Variants in CUX1 observed in about 807,000 individuals in gnomAD.
CUX1 encodes the protein cut like homeobox 1, also known as protein CASP.
CUX1 carries 31 observed loss-of-function variants against 158.8 expected under a neutral mutation model. That is an observed-to-expected ratio of 0.20 (90% CI 0.15 to 0.26). CUX1 has a LOEUF of 0.26. Among genes scored for constraint, CUX1 ranks in the 10% least tolerant of loss-of-function variants. The probability of loss-of-function intolerance (pLI) is 1.00; values close to 1 mark genes in which losing one functional copy is unlikely to be tolerated. For missense variants in CUX1, 1,589 were observed against 2,014.6 expected (o/e 0.79, Z 4.04); for synonymous variants, 879 against 862.1 (o/e 1.02, Z -0.34).
chr7:102,024,817 T>G (rs928804157), intron 2 of CUX1, among the ~76,000 whole-genome samples: 1 of 152,200 alleles, frequency 6.6e-6, no homozygotes, highest in East Asian at 1.9e-4. Flanking sequence ...TCTACCTTTC[T>G]GAAAAGCACA....
chr7:102,009,396 C>T (rs994543968), intron 2 of CUX1, among the ~76,000 whole-genome samples: 3 of 152,198 alleles, frequency 2.0e-5, no homozygotes, highest in East Asian at 1.9e-4. Flanking sequence ...AGAAAGGCTG[C>T]GTGGGGCTGC....
intron 21 of CUX1, among the ~76,000 whole-genome samples, chr7:102,233,131 C>T (rs1379631113): frequency 6.6e-6 from 1 of 151,522 alleles, no homozygotes; most frequent in African/African-American, 2.4e-5. Context: ...AGAAACACCA[C>T]AGGTGTTAGC....
chr7:102,198,968 C>A, intron 16 of CUX1, 101 bp downstream of exon 16: 2 of 1,094,554 alleles, frequency 1.8e-6, no homozygotes, highest in Non-Finnish European at 1.4e-6. Context: ...TGATTCTGGC[C>A]TGGAACCTGA....
chr7:102,057,090 A>G (rs113659938), intron 3 of CUX1, among the ~76,000 whole-genome samples: 1 of 150,452 alleles, frequency 6.6e-6, no homozygotes, highest in Non-Finnish European at 1.5e-5. Flanking sequence ...TTTATTAGAG[A>G]TGGAGTTTCA....
chr7:102,182,777 CA>C (rs1317155483), intron 11 of CUX1, among the ~76,000 whole-genome samples: 3 of 152,134 alleles, frequency 2.0e-5, no homozygotes, highest in Admixed American at 1.3e-4. Flanking sequence ...AATATAGAAG[CA>C]GTATAATTAG....
At chr7:102,090,544 C>T (rs1187053422) in intron 4 of CUX1, among the ~76,000 whole-genome samples, 6 of 151,948 alleles carry the variant, frequency 3.9e-5, no homozygotes, top group Non-Finnish European at 7.4e-5. Flanking sequence ...CCCGCCACCA[C>T]GCCCAGCTAA....
At chr7:101,826,349 C>G (rs1376965853) in intron 1 of CUX1, among the ~76,000 whole-genome samples, 1 of 152,020 alleles carries the variant, frequency 6.6e-6, no homozygotes, top group Non-Finnish European at 1.5e-5. Flanking sequence ...TAGGCATGCA[C>G]CACCACGCCT....
chr7:102,254,446 C>G lies in CUX1; in HGVS notation c.*5404C>G. On this transcript the variant is annotated 3_prime_UTR_variant, in exon 24 of 24. Coordinates refer to ENST00000292535, the MANE Select transcript of CUX1 (RefSeq NM_181552.4). The stretch of plus-strand genomic sequence containing the variant: ...AGATGGCTTCCTCCAGCCTACACGC[C>G]CCGTCCACAGTGGCATCACCCTCTT... 1 of 985,528 alleles carries G rather than the reference C, an allele frequency of 1.0e-6. No homozygotes were observed. Among genetic ancestry groups the G allele is most frequent in the Non-Finnish European group, 1.2e-6 (1 of 829,994 alleles). 61.0% of individuals were successfully genotyped at this position (985,528 alleles called of 1,614,324 possible). A position where few individuals can be genotyped will look rare whatever the true frequency, so the allele number is the denominator to read the frequency against.
At chr7:101,838,609 C>G (rs1291913310) in intron 1 of CUX1, among the ~76,000 whole-genome samples, 1 of 151,616 alleles carries the variant, frequency 6.6e-6, no homozygotes, top group Non-Finnish European at 1.5e-5. Context: ...CAAGACCAGC[C>G]TGACCAACAT....
intron 2 of CUX1, among the ~76,000 whole-genome samples, chr7:102,005,686 C>A (rs2129285196): frequency 6.6e-6 from 1 of 152,220 alleles, no homozygotes; most frequent in African/African-American, 2.4e-5. Flanking sequence ...CAAAGCTTCA[C>A]CCCACTGATG....
intron 2 of CUX1, among the ~76,000 whole-genome samples, chr7:101,999,089 C>T (rs775657071): frequency 2.0e-5 from 3 of 152,106 alleles, no homozygotes; most frequent in African/African-American, 4.8e-5. Flanking sequence ...GAGGCAGTCT[C>T]ATCACTGCAG....
chr7:101,821,887 TTC>T (rs1792670469), intron 1 of CUX1, among the ~76,000 whole-genome samples: 1 of 134,964 alleles, frequency 7.4e-6, no homozygotes, highest in Non-Finnish European at 1.6e-5. Context: ...TGTAGTCTGG[TTC>T]TGTGGCCCAG....
Position 102,187,789 on chromosome 7 carries a change from G to A in CUX1, c.1018-2024G>A, listed in dbSNP as rs1472185940. Among the ~76,000 whole-genome samples the A allele has an allele frequency of 9.9e-5, 15 of 151,904 alleles. No homozygotes were observed. In the East Asian group the frequency reaches 2.9e-3, roughly 29 times the overall value. On this transcript the variant is annotated intron_variant, in intron 11 of 23. Coordinates refer to ENST00000292535, the MANE Select transcript of CUX1 (RefSeq NM_181552.4). ...CTCCCAAAGTGCTGGGATTACAGGC[G>A]TCAGCCACCGCGCCCAGCCCTGAAT...
chr7:102,070,472 G>A, intron 4 of CUX1, 55 bp downstream of exon 4: 2 of 1,413,124 alleles, frequency 1.4e-6, no homozygotes, highest in Non-Finnish European at 9.8e-7. Context: ...TGGTGAGTCG[G>A]TGGGTTTTTG....
At position 102,025,631 on chromosome 7, in the gene CUX1, T is replaced by TG. The variant is rs942002286; in HGVS notation, c.142-2464dup. Among the ~76,000 whole-genome samples the TG allele has an allele frequency of 5.6e-5, 8 of 141,640 alleles. No homozygotes were observed. In the East Asian group the frequency reaches 9.8e-4, roughly 17 times the overall value. The allele number at this position is 141,640 out of a possible 152,430, so 92.9% of individuals were successfully genotyped here. A position where few individuals can be genotyped will look rare whatever the true frequency, so the allele number is the denominator to read the frequency against. ...TGACAGAGCCAGACCCCGTCTTAGG[T>TG]GGGAAAAAAAAAAGATTGGTAAAGA... On this transcript the variant is annotated intron_variant, in intron 2 of 23. Coordinates refer to ENST00000292535, the MANE Select transcript of CUX1 (RefSeq NM_181552.4).
At chr7:102,132,140 GGGCGGGTGGATA>G (rs1833314624) in intron 8 of CUX1, among the ~76,000 whole-genome samples, 2 of 142,932 alleles carry the variant, frequency 1.4e-5, no homozygotes, top group Admixed American at 6.8e-5. Context: ...GGAGATGGAT[GGGCGGGTGGATA>G]GATGGATGGG....
chr7:102,282,039 G>A, intron 21 of CUX1: 1 of 754,102 alleles, frequency 1.3e-6, no homozygotes, highest in Admixed American at 2.0e-5. Context: ...TGCATCTCTA[G>A]CTTGCGGCCA....
chr7:102,246,459 C>T (rs2132587264), intron 23 of CUX1, among the ~76,000 whole-genome samples: 1 of 152,310 alleles, frequency 6.6e-6, no homozygotes, highest in Admixed American at 6.5e-5. Flanking sequence ...ATTCACAACC[C>T]CCTGCACCCC....
chr7:102,265,386 G>A (rs1273809615), intron 14 of CUX1, among the ~76,000 whole-genome samples: 1 of 151,140 alleles, frequency 6.6e-6, no homozygotes, highest in Non-Finnish European at 1.5e-5. Flanking sequence ...GAAAGAAACA[G>A]ACTGTGTACT....
Sources: gnomAD v4.1 joint callset for allele counts (sites outside exome capture counted in the v4.1 genomes callset) on GRCh38, gnomAD v4.1.1 for gene constraint, MANE v1.5 for transcripts, NCBI Gene and HGNC (gene_info 2026-07-23, HGNC 2026-07-21) for gene names.